AGO4: variants seen among roughly 807,000 people sequenced by gnomAD.
AGO4 encodes the protein argonaute RISC component 4, also known as protein argonaute-4.
AGO4 carries 33 observed loss-of-function variants against 104.7 expected under a neutral mutation model. The ratio of observed to expected loss-of-function variants is 0.32; its 90% confidence interval spans 0.24 to 0.42. The LOEUF (loss-of-function observed/expected upper bound fraction) is 0.42, where lower values mean the gene tolerates loss of function less well. AGO4 is among the 10% of genes least tolerant of loss of function. The probability of loss-of-function intolerance (pLI) is 1.00; values close to 1 mark genes in which losing one functional copy is unlikely to be tolerated. For synonymous variants in AGO4, 331 were observed against 364.7 expected, an observed-to-expected ratio of 0.91 and a Z score of 1.05; for missense variants, 711 against 1,083.4, an observed-to-expected ratio of 0.66 and a Z score of 4.83.
At chr1:35,842,146 T>C (rs1644461258) in intron 15 of AGO4, among the ~76,000 whole-genome samples, 1 of 152,132 alleles carries the variant, frequency 6.6e-6, no homozygotes, top group South Asian at 2.1e-4. Context: ...TATATCCGCA[T>C]AGGACACGGG....
chr1:35,841,041 T>A lies in AGO4; in HGVS notation c.1725-124T>A. 9.7e-7 allele frequency: 1 copy of A among 1,027,766 alleles called. No homozygotes were observed. Among genetic ancestry groups the A allele is most frequent in the Non-Finnish European group, 1.4e-6 (1 of 708,264 alleles). The allele number at this position is 1,027,766 out of a possible 1,614,324, so 63.7% of individuals were successfully genotyped here. ...AGTGGTCCGTAGTGTTCTTTCCCAA[T>A]GGGCTTAAGTCTTTGTTCTCTCTTA... On this transcript the variant is annotated intron_variant, in intron 13 of 17. Transcript: ENST00000373210. The surrounding 1 kb of genome is among the most constrained non-coding windows in gnomAD (Gnocchi z 4.7).
Position 35,811,094 on chromosome 1 carries a change from T to C in AGO4, c.19+2659T>C, listed in dbSNP as rs1385701697. 3.3e-5 allele frequency among the ~76,000 whole-genome samples: 5 copies of C among 151,882 alleles called. No individual in the cohort carries two copies. The East Asian group carries it at 9.7e-4, about 29-fold the overall frequency. On this transcript the variant is annotated intron_variant, in intron 1 of 17. Coordinates refer to ENST00000373210, the MANE Select transcript of AGO4 (RefSeq NM_017629.4). ...CTTGAGCCTGCGAGGCAGAGGATGC[T>C]GCGAGCTGAGATCGCACCTCAAAAA...
At chr1:35,807,746 C>T (rs1643341593), upstream of AGO4, among the ~76,000 whole-genome samples, 1 of 152,138 alleles carries the variant, frequency 6.6e-6, no homozygotes, top group Non-Finnish European at 1.5e-5. Flanking sequence ...GACGAGATGA[C>T]AGAAGCGATC....
intron 13 of AGO4, among the ~76,000 whole-genome samples, chr1:35,838,026 G>A (rs1334188011): frequency 6.6e-6 from 1 of 151,824 alleles, no homozygotes; most frequent in Non-Finnish European, 1.5e-5. Flanking sequence ...GGGACTACAG[G>A]AATGTGCCAC....
rs1571292628 is a variant in AGO4, at chr1:35,835,922, C to G, written c.1653C>G (p.Thr551=). ...ATGTAGTGAAGACCTCACCTCAAAC[C>G]CTTTCCAATCTTTGCCTGAAGATAA... ...VKNVVKTSPQ[T]LSNLCLKINA... Residue 551 remains threonine, a synonymous_variant, in exon 13 of 18, where the codon ACC becomes ACG. Transcript: ENST00000373210. 1 of 1,614,012 alleles carries G rather than the reference C, an allele frequency of 6.2e-7. No individual in the cohort carries two copies. Among genetic ancestry groups the G allele is most frequent in the East Asian group, 2.2e-5 (1 of 44,872 alleles).
At chr1:35,836,053 A>G in intron 13 of AGO4, 60 bp downstream of exon 13, 2 of 1,546,516 alleles carry the variant, frequency 1.3e-6, no homozygotes, top group Non-Finnish European at 1.8e-6. Context: ...AATTTATGGG[A>G]AAGCACACAA....
At chr1:35,844,426 A>G (rs933671235) in intron 15 of AGO4, among the ~76,000 whole-genome samples, 5 of 151,994 alleles carry the variant, frequency 3.3e-5, no homozygotes, top group African/African-American at 1.2e-4. Flanking sequence ...CCGTTTTTTC[A>G]TTTACCCTAT....
At chr1:35,845,451 C>T (rs1003662971) in intron 15 of AGO4, among the ~76,000 whole-genome samples, 7 of 151,996 alleles carry the variant, frequency 4.6e-5, no homozygotes, top group Non-Finnish European at 1.0e-4. Context: ...AAGTGATTCA[C>T]CCACCTCGGC....
At position 35,825,697 on chromosome 1, in the gene AGO4, T is replaced by G; in HGVS notation, c.507T>G (p.Arg169=). The part of the protein sequence containing the change: ...LPSMRYTPVG[R]SFFSPPEGYY... ...TCTTCAGGTACACCCCAGTGGGCCG[T>G]TCCTTTTTCTCACCCCCGGAAGGTT... Residue 169 remains arginine (R), a synonymous_variant, in exon 5 of 18, where the codon CGT becomes CGG. Transcript: ENST00000373210. 6.4e-7 allele frequency: 1 copy of G among 1,563,042 alleles called. No individual in the cohort carries two copies. Among genetic ancestry groups the G allele is most frequent in the Non-Finnish European group, 8.6e-7 (1 of 1,160,762 alleles).
rs563723511 is a variant in AGO4, at chr1:35,814,460, C to G, written c.20-2422C>G. On this transcript the variant is annotated intron_variant, in intron 1 of 17. Transcript: ENST00000373210. ...CCTAATGCTATCCCTCCCCCCTCCC[C>G]CTACCCCACAACAGGCCCCAGTGTG... Among the ~76,000 whole-genome samples, 12 of 148,998 alleles carry G rather than the reference C, an allele frequency of 8.1e-5. No individual in the cohort carries two copies. The East Asian group carries it at 2.4e-3, about 30-fold the overall frequency.
rs112786665 is a variant in AGO4, at chr1:35,848,851, GA to G, written c.2176-1297del. Among the ~76,000 whole-genome samples the G allele has an allele frequency of 1.0e-4, 15 of 150,522 alleles. 2 individuals are homozygous for G. The highest frequency in any genetic ancestry group is 3.4e-4 in the African/African-American group (14 of 41,106). On this transcript the variant is annotated intron_variant, in intron 15 of 17. Coordinates refer to ENST00000373210, the MANE Select transcript of AGO4 (RefSeq NM_017629.4). ...ATATTCCTAAAGAACACACTTTGGG[GA>G]AAAAAAAATGCTAGAACCAACTAGA...
chr1:35,826,666 C>G, intron 6 of AGO4, 82 bp from the exon 7 acceptor site: 1 of 1,209,606 alleles, frequency 8.3e-7, no homozygotes, highest in Non-Finnish European at 1.2e-6. Flanking sequence ...AATGTCATGA[C>G]ATTTTGAAGA....
Position 35,834,083 on chromosome 1 carries a change from C to T in AGO4, c.1473C>T (p.Asp491=). ...PCFCKYAQGA[D]SVEPMFKHLK... Reference sequence around the variant, plus strand: ...TCTGCAAGTATGCACAAGGTGCAGACAGTGTGGAGCCTATGTTTAAACATC... The same window carrying T: ...TCTGCAAGTATGCACAAGGTGCAGATAGTGTGGAGCCTATGTTTAAACATC... Residue 491 remains aspartate (D), a synonymous_variant, in exon 12 of 18, where the codon GAC becomes GAT. Coordinates refer to ENST00000373210, the MANE Select transcript of AGO4 (RefSeq NM_017629.4). The T allele has an allele frequency of 6.2e-7, 1 of 1,612,264 alleles. No individual in the cohort carries two copies. The highest frequency in any genetic ancestry group is 1.3e-5 in the African/African-American group (1 of 74,942).
intron 11 of AGO4, 114 bp downstream of exon 11, chr1:35,832,684 C>T: frequency 1.5e-6 from 2 of 1,306,936 alleles, no homozygotes; most frequent in Non-Finnish European, 2.0e-6. Flanking sequence ...CATAGTGACA[C>T]CATCTGGCTA....
chr1:35,834,096 A>G lies in AGO4; in HGVS notation c.1486A>G (p.Met496Val). The change falls in exon 12 of 18, where the codon ATG (methionine) becomes GTG (valine). Residue 496 changes from methionine to valine, a missense_variant. Coordinates refer to ENST00000373210, the MANE Select transcript of AGO4 (RefSeq NM_017629.4). ...ACAAGGTGCAGACAGTGTGGAGCCTATGTTTAAACATCTGAAAATGACTTA... is the reference window on the plus strand; with the variant it reads ...ACAAGGTGCAGACAGTGTGGAGCCTGTGTTTAAACATCTGAAAATGACTTA... The part of the protein sequence containing the change: ...YAQGADSVEP[M>V]FKHLKMTYVG... The G allele has an allele frequency of 1.2e-6, 2 of 1,611,640 alleles. No individual in the cohort carries two copies. The highest frequency in any genetic ancestry group is 1.7e-6 in the Non-Finnish European group (2 of 1,179,070).
chr1:35,818,666 A>AAGG (rs1553144595), intron 2 of AGO4, among the ~76,000 whole-genome samples: 13,533 of 79,310 alleles, frequency 0.17, 1,420 homozygotes, highest in South Asian at 0.25. Flanking sequence ...AGAAAGGAAG[A>AAGG]AAGGAAGGAA....
At chr1:35,829,120 A>G (rs1328092042) in intron 7 of AGO4, among the ~76,000 whole-genome samples, 3 of 151,960 alleles carry the variant, frequency 2.0e-5, no homozygotes, top group Non-Finnish European at 1.5e-5. Context: ...GCATATCAAA[A>G]TCACCCAGAG....
chr1:35,821,528 G>C (rs1490554097), intron 2 of AGO4, among the ~76,000 whole-genome samples: 4 of 152,044 alleles, frequency 2.6e-5, no homozygotes, highest in Non-Finnish European at 4.4e-5. Context: ...CAGTTTTTTT[G>C]CCACTGCATT....
At chr1:35,817,616 C>T (rs911448718) in intron 2 of AGO4, among the ~76,000 whole-genome samples, 1 of 152,064 alleles carries the variant, frequency 6.6e-6, no homozygotes, top group Non-Finnish European at 1.5e-5. Context: ...GAAGACAGCC[C>T]TGTAGCAAAT....
Sources: allele counts gnomAD v4.1 joint callset (sites outside exome capture counted in the v4.1 genomes callset), GRCh38; gene constraint gnomAD v4.1.1; non-coding constraint Gnocchi (gnomAD v3.1); transcripts MANE v1.5; gene names NCBI Gene and HGNC (gene_info 2026-07-23, HGNC 2026-07-21).